PIK3R4: variants seen among roughly 807,000 people sequenced by gnomAD.
PIK3R4 encodes the protein phosphoinositide-3-kinase regulatory subunit 4.
PIK3R4 carries 46 observed loss-of-function variants against 136.5 expected under a neutral mutation model. The observed-to-expected ratio is 0.34, with a 90% confidence interval of 0.27 to 0.43. PIK3R4 has a LOEUF of 0.43. PIK3R4 is among the 20% of genes least tolerant of loss of function. PIK3R4 has a pLI of 1.00. For missense variants in PIK3R4, 1,331 were observed against 1,649.5 expected, an observed-to-expected ratio of 0.81 and a Z score of 3.35; for synonymous variants, 557 against 566.7, an observed-to-expected ratio of 0.98 and a Z score of 0.24.
intron 2 of PIK3R4, among the ~76,000 whole-genome samples, chr3:130,739,267 G>A (rs759026931): frequency 6.6e-6 from 1 of 151,870 alleles, no homozygotes; most frequent in Admixed American, 6.6e-5. Flanking sequence ...TAGTAGAGAC[G>A]GGGTTTCACC....
intron 9 of PIK3R4, among the ~76,000 whole-genome samples, chr3:130,713,168 T>G (rs2066642115): frequency 6.6e-6 from 1 of 152,212 alleles, no homozygotes; most frequent in Admixed American, 6.5e-5. Context: ...AAGCTGGTGT[T>G]GTTCTGCTGT....
intron 2 of PIK3R4, among the ~76,000 whole-genome samples, chr3:130,741,832 A>C (rs1308705446): frequency 6.6e-6 from 1 of 152,216 alleles, no homozygotes; most frequent in South Asian, 2.1e-4. Context: ...GCTCAAATGC[A>C]TGTCAAAATG....
intron 6 of PIK3R4, 54 bp downstream of exon 6, chr3:130,728,409 G>A: frequency 2.8e-6 from 3 of 1,080,692 alleles, no homozygotes; most frequent in Non-Finnish European, 4.1e-6. Context: ...TTGCATGGAA[G>A]TATTTGAGAG....
intron 5 of PIK3R4, 74 bp from the exon 6 acceptor site, chr3:130,728,758 C>G (rs2066747299): frequency 2.1e-6 from 2 of 960,654 alleles, no homozygotes; most frequent in Non-Finnish European, 3.0e-6. Context: ...TTTCCCCATA[C>G]AGATAGTCCC....
chr3:130,736,374 G>C (rs902323550), intron 2 of PIK3R4, among the ~76,000 whole-genome samples: 3 of 152,182 alleles, frequency 2.0e-5, no homozygotes, highest in African/African-American at 7.2e-5. Flanking sequence ...TTCGAGACCA[G>C]CCTGGTCAAC....
rs1039460739 is a variant in PIK3R4 at position 130,703,836 on chromosome 3, A to G, written c.2985T>C (p.Ala995=). The G allele has an allele frequency of 1.2e-6, 2 of 1,613,104 alleles. No individual in the cohort carries two copies. Among genetic ancestry groups the G allele is most frequent in the Admixed American group, 3.3e-5 (2 of 60,010 alleles). Residue 995 remains alanine (A), a synonymous_variant, in exon 13 of 20, where the codon GCT becomes GCC. Transcript: ENST00000356763. ...LVAHLHEHKS[A]VNRIRVSDEH... ...CATCAGAGACTCTAATTCGATTCAC[A>G]GCAGATTTATGCTCATGAAGATGGG... is the stretch of plus-strand genomic sequence containing the variant.
intron 13 of PIK3R4, among the ~76,000 whole-genome samples, chr3:130,702,901 T>A (rs868293779): frequency 6.6e-6 from 1 of 152,200 alleles, no homozygotes; most frequent in Non-Finnish European, 1.5e-5. Context: ...ATTCTATAAT[T>A]TTTTTACTTT....
chr3:130,703,756 C>G lies in PIK3R4; in HGVS notation c.3065G>C (p.Ser1022Thr). The stretch of plus-strand genomic sequence containing the variant: ...GGTGGTCTTCCCCTCCATCTTTTGA[C>G]TGTTCCAGATTTTCACTGTGCCATC... ...SNDGTVKIWNSQKMEGKTTTT... is the reference protein window; with the variant it reads ...SNDGTVKIWNTQKMEGKTTTT... Residue 1022 changes from serine to threonine, a missense_variant, in exon 13 of 20, where the codon AGT (serine) becomes ACT (threonine). Physicochemically the swap from Ser to Thr is moderately conservative, Grantham distance 58. This residue lies in a region of PIK3R4 where 1,180 missense variants were observed against 1,407.0 expected (regional missense o/e 0.84). Coordinates refer to ENST00000356763, the MANE Select transcript of PIK3R4 (RefSeq NM_014602.3). 1 of 1,613,450 alleles carries G rather than the reference C, an allele frequency of 6.2e-7. No individual in the cohort carries two copies. The highest frequency in any genetic ancestry group is 8.5e-7 in the Non-Finnish European group (1 of 1,179,476).
intron 15 of PIK3R4, among the ~76,000 whole-genome samples, 162 bp from the exon 16 acceptor site, chr3:130,684,543 T>A (rs2066478362): frequency 6.6e-6 from 1 of 152,250 alleles, no homozygotes; most frequent in Admixed American, 6.5e-5. Context: ...CTCACCATTT[T>A]CAAACAATAC....
In PIK3R4 at chr3:130,734,145, G is replaced by T; in HGVS notation, c.868-15C>A. On this transcript the variant is annotated splice_polypyrimidine_tract_variant and intron_variant, in intron 3 of 19. Transcript: ENST00000356763. ...ATCTGAGTTACCTATACCAAGGGAA[G>T]AAAAGGAATTAAAATAGATTTGAGA... 1.9e-6 allele frequency: 3 copies of T among 1,564,152 alleles called. No homozygotes were observed. The highest frequency in any genetic ancestry group is 2.6e-6 in the Non-Finnish European group (3 of 1,153,236).
rs754004712 is a variant in PIK3R4, at chr3:130,705,597, C to T, written c.2896G>A (p.Glu966Lys). The change falls in exon 12 of 20, where the codon GAA becomes AAA. Residue 966 changes from glutamate (E) to lysine (K), a missense_variant. Around this residue, in one of 2 missense-constraint regions of PIK3R4, gnomAD observed 1,180 missense variants for 1,407.0 expected, o/e 0.84. Transcript: ENST00000356763. ...GGTTTACTCTCCCATTCAGCATTTT[C>T]CATCATCTGCTTAGCTATTCTCTCA... ...NAERIAKQMMENAEWESKPPP... is the reference protein window; with the variant it reads ...NAERIAKQMMKNAEWESKPPP... 22 of 1,613,686 alleles carry T rather than the reference C, an allele frequency of 1.4e-5. No individual in the cohort carries two copies. The East Asian group carries it at 3.8e-4, about 28-fold the overall frequency.
chr3:130,712,545 G>A (rs1050799796), intron 9 of PIK3R4, among the ~76,000 whole-genome samples: 2 of 151,986 alleles, frequency 1.3e-5, no homozygotes, highest in African/African-American at 4.8e-5. Context: ...GTGCATGCCG[G>A]TAATACCAGC....
At chr3:130,700,592 C>T (rs544272136) in intron 13 of PIK3R4, among the ~76,000 whole-genome samples, 6 of 152,206 alleles carry the variant, frequency 3.9e-5, no homozygotes, top group Non-Finnish European at 8.8e-5. Context: ...GAGCCAAGAT[C>T]TAGGTAGTCC....
At chr3:130,683,760 A>G (rs1024678573) in intron 16 of PIK3R4, among the ~76,000 whole-genome samples, 10 of 152,150 alleles carry the variant, frequency 6.6e-5, no homozygotes, top group African/African-American at 2.4e-4. Flanking sequence ...ATAACTCTAC[A>G]AGGTAAGTAT....
chr3:130,724,992 T>A (rs1412903193), intron 6 of PIK3R4, among the ~76,000 whole-genome samples: 1 of 152,008 alleles, frequency 6.6e-6, no homozygotes, highest in African/African-American at 2.4e-5. Flanking sequence ...CATTATACAT[T>A]TTGATTAAAT....
In PIK3R4 at chr3:130,706,970, A is replaced by T; in HGVS notation, c.2699T>A (p.Val900Asp). Residue 900 changes from valine (V) to aspartate (D), a missense_variant, in exon 11 of 20, where the codon GTC becomes GAC. By Grantham distance (152) the Val-to-Asp change is radical (BLOSUM62 -3). Around this residue, in one of 2 missense-constraint regions of PIK3R4, gnomAD observed 1,180 missense variants for 1,407.0 expected, o/e 0.84. Transcript: ENST00000356763. ...TACCTGTGAAGAAGTTGACAAAGGG[A>T]CACAAATGCCAGCAGAGGACTCGGA... ...PRSESSAGIC[V>D]PLSTSSQVPE... The T allele has an allele frequency of 6.2e-7, 1 of 1,610,522 alleles. No individual in the cohort carries two copies. The highest frequency in any genetic ancestry group is 8.5e-7 in the Non-Finnish European group (1 of 1,178,572).
chr3:130,694,650 T>C (rs1458708042), intron 13 of PIK3R4, among the ~76,000 whole-genome samples: 1 of 152,110 alleles, frequency 6.6e-6, no homozygotes, highest in East Asian at 1.9e-4. Flanking sequence ...GTTGAACTTA[T>C]TAGTTCTAGT....
chr3:130,738,105 A>G (rs1200865460), intron 2 of PIK3R4, among the ~76,000 whole-genome samples: 2 of 152,210 alleles, frequency 1.3e-5, no homozygotes, highest in Non-Finnish European at 2.9e-5. Context: ...TAAATTTGTT[A>G]ATTTCTCTCT....
At position 130,680,661 on chromosome 3, in the gene PIK3R4, T is replaced by A. The variant is rs1337615759; in HGVS notation, c.3858A>T (p.Pro1286=). Residue 1286 remains proline, a synonymous_variant, in exon 19 of 20, where the codon CCA becomes CCT. Transcript: ENST00000356763. ...TTATTTTCCTGTAGTAGGACACAGA[T>A]GGGGAACTAGTACTTCCTGCAACAA... is the stretch of plus-strand genomic sequence containing the variant. ...SYVVAGSTSS[P]SVSYYRKIIE... is the part of the protein sequence containing the mutation. The A allele has an allele frequency of 6.2e-7, 1 of 1,613,284 alleles. No individual in the cohort carries two copies. The highest frequency in any genetic ancestry group is 1.7e-5 in the Admixed American group (1 of 59,994).
Sources: allele counts gnomAD v4.1 joint callset (sites outside exome capture counted in the v4.1 genomes callset), GRCh38; gene constraint gnomAD v4.1.1; regional missense constraint gnomAD v4.1.1; transcripts MANE v1.5; gene names NCBI Gene and HGNC (gene_info 2026-07-23, HGNC 2026-07-21).